The following C16orf87 variants were observed in gnomAD, a reference collection of about 807,000 sequenced individuals.
C16orf87 encodes HDAC and MIER1 interacting protein 1, also known as UPF0547 protein C16orf87.
In C16orf87, 13 loss-of-function variants were observed where a neutral mutation model predicts 21.0. The observed-to-expected ratio is 0.62, with a 90% CI of 0.40 to 0.98. The LOEUF (loss-of-function observed/expected upper bound fraction) is 0.98. Among genes scored for constraint, C16orf87 ranks in the 50% least tolerant of loss-of-function variants. C16orf87 has a pLI of 0.00. For missense variants in C16orf87, 113 were observed against 180.4 expected, an observed-to-expected ratio of 0.63 and a Z score of 2.14; for synonymous variants, 49 against 60.2, an observed-to-expected ratio of 0.81 and a Z score of 0.86.
At chr16:46,807,908 T>C (rs1284631031) in intron 3 of C16orf87, 6 of 403,332 alleles carry the variant, frequency 1.5e-5, no homozygotes, top group African/African-American at 4.2e-5. Context: ...CACAAGTATA[T>C]AGACTTCATT....
chr16:46,804,211 C>T (rs1967857190), intron 3 of C16orf87, among the ~76,000 whole-genome samples: 1 of 152,188 alleles, frequency 6.6e-6, no homozygotes, highest in Non-Finnish European at 1.5e-5. Context: ...AGAAATCGCT[C>T]CAAGTCTTCC....
At chr16:46,812,986 T>C (rs1372250934) in intron 2 of C16orf87, among the ~76,000 whole-genome samples, 1 of 152,180 alleles carries the variant, frequency 6.6e-6, no homozygotes, top group Admixed American at 6.5e-5. Flanking sequence ...CTAATCGCCT[T>C]TGCTGTGTGC....
chr16:46,805,142 G>A (rs1191048667), intron 3 of C16orf87, among the ~76,000 whole-genome samples: 1 of 152,052 alleles, frequency 6.6e-6, no homozygotes, highest in African/African-American at 2.4e-5. Context: ...TGTCCTTCAG[G>A]TTGGAAAAAT....
At chr16:46,818,321 T>G (rs976405845) in intron 2 of C16orf87, among the ~76,000 whole-genome samples, 1 of 152,214 alleles carries the variant, frequency 6.6e-6, no homozygotes, top group Non-Finnish European at 1.5e-5. Context: ...TTTCTCCATT[T>G]TTTTCCCTTA....
chr16:46,822,416 A>AT (rs1428314670), intron 2 of C16orf87, among the ~76,000 whole-genome samples: 2 of 152,208 alleles, frequency 1.3e-5, no homozygotes, highest in Non-Finnish European at 2.9e-5. Flanking sequence ...GTGAATCATC[A>AT]TTTCAGGGTT....
In C16orf87 at chr16:46,799,529, A is replaced by C. The variant is rs1379069817; in HGVS notation, c.*3423T>G. 1 of 152,228 alleles carries C rather than the reference A, an allele frequency of 6.6e-6. No homozygotes were observed. The highest frequency in any genetic ancestry group is 1.5e-5 in the Non-Finnish European group (1 of 68,044). The allele number at this position is 152,228 out of a possible 1,614,324, so 9.4% of individuals were successfully genotyped here. A position where few individuals can be genotyped will look rare whatever the true frequency, so the allele number is the denominator to read the frequency against. ...AATATAAGGCATCAAACCAAACTAG[A>C]AGGTAAAGTGGAAATAATTAAGAAT... On this transcript the variant is annotated 3_prime_UTR_variant, in exon 4 of 4. Transcript: ENST00000285697.
At chr16:46,805,820 C>T (rs753767242) in intron 3 of C16orf87, among the ~76,000 whole-genome samples, 3 of 152,148 alleles carry the variant, frequency 2.0e-5, no homozygotes, top group Admixed American at 6.5e-5. Context: ...TTGGGTCCTT[C>T]GGATTCTCTA....
intron 2 of C16orf87, among the ~76,000 whole-genome samples, chr16:46,818,937 G>A (rs1006172778): frequency 6.6e-6 from 1 of 152,210 alleles, no homozygotes. Flanking sequence ...GCATAGGCCA[G>A]GTAAATGACT....
intron 3 of C16orf87, among the ~76,000 whole-genome samples, chr16:46,806,619 A>T (rs1236043153): frequency 6.6e-6 from 1 of 152,210 alleles, no homozygotes; most frequent in African/African-American, 2.4e-5. Context: ...TTAATCAGTC[A>T]AAATGTCACT....
At chr16:46,822,875 C>A (rs1280587300) in intron 2 of C16orf87, among the ~76,000 whole-genome samples, 1 of 152,178 alleles carries the variant, frequency 6.6e-6, no homozygotes. Flanking sequence ...AGTTTACAAA[C>A]AAAATCCAAA....
intron 2 of C16orf87, among the ~76,000 whole-genome samples, chr16:46,819,701 G>A (rs892758818): frequency 2.0e-5 from 3 of 151,756 alleles, no homozygotes; most frequent in Non-Finnish European, 2.9e-5. Context: ...TCCACCGGGC[G>A]CAGTGGCTCA....
chr16:46,806,431 T>C (rs1196569997), intron 3 of C16orf87, among the ~76,000 whole-genome samples: 1 of 151,924 alleles, frequency 6.6e-6, no homozygotes, highest in African/African-American at 2.4e-5. Flanking sequence ...CTAATTTTTT[T>C]TGTATTTTTA....
intron 3 of C16orf87, among the ~76,000 whole-genome samples, chr16:46,808,737 T>C (rs1378251213): frequency 6.6e-6 from 1 of 152,076 alleles, no homozygotes; most frequent in Non-Finnish European, 1.5e-5. Context: ...TTTAAAAAGA[T>C]GCATAAATCA....
chr16:46,826,882 A>G (rs1258275525), intron 1 of C16orf87, among the ~76,000 whole-genome samples: 1 of 152,216 alleles, frequency 6.6e-6, no homozygotes, highest in African/African-American at 2.4e-5. Context: ...TTCTTACTCA[A>G]CAGCTCCTTT....
intron 2 of C16orf87, among the ~76,000 whole-genome samples, chr16:46,813,157 T>C (rs1440182223): frequency 6.6e-6 from 1 of 152,194 alleles, no homozygotes; most frequent in Non-Finnish European, 1.5e-5. Flanking sequence ...CTCTGATTTC[T>C]TCCCTAAACT....
chr16:46,803,258 T>C (rs1967829707), intron 3 of C16orf87, among the ~76,000 whole-genome samples, 188 bp from the exon 4 acceptor site: 1 of 152,184 alleles, frequency 6.6e-6, no homozygotes, highest in East Asian at 1.9e-4. Context: ...GAAATGAAGA[T>C]TAAATGAAGA....
intron 1 of C16orf87, among the ~76,000 whole-genome samples, chr16:46,825,721 G>C (rs1325019682): frequency 2.6e-5 from 4 of 152,004 alleles, no homozygotes; most frequent in Non-Finnish European, 5.9e-5. Context: ...AGACCAGCCT[G>C]ACCAACATGG....
At chr16:46,830,889 T>G in intron 1 of C16orf87, 195 bp downstream of exon 1, 1 of 378,356 alleles carries the variant, frequency 2.6e-6, no homozygotes, top group Non-Finnish European at 4.7e-6. Context: ...AGGTGGACGC[T>G]GGCGGGCCAC....
chr16:46,809,204 C>A lies in C16orf87; in HGVS notation c.346+399G>T, dbSNP rs373723431. Among the ~76,000 whole-genome samples the A allele has an allele frequency of 6.6e-5, 10 of 151,078 alleles. No homozygotes were observed. The South Asian group carries it at 8.4e-4, about 13-fold the overall frequency. On this transcript the variant is annotated intron_variant, in intron 3 of 3. Coordinates refer to ENST00000285697, the MANE Select transcript of C16orf87 (RefSeq NM_001001436.4). Reference sequence around the variant, plus strand: ...CTCAGGAGGCTCAGGGGAGAATCACCGGAGCCCTGGAGTTTAAGGCTGCAG... The same window carrying A: ...CTCAGGAGGCTCAGGGGAGAATCACAGGAGCCCTGGAGTTTAAGGCTGCAG...
Sources: gnomAD v4.1 joint callset for allele counts (sites outside exome capture counted in the v4.1 genomes callset) on GRCh38, gnomAD v4.1.1 for gene constraint, MANE v1.5 for transcripts, NCBI Gene and HGNC (gene_info 2026-07-23, HGNC 2026-07-21) for gene names.